ARHGAP26: variants seen among roughly 807,000 people sequenced by gnomAD.
ARHGAP26 encodes rho GTPase-activating protein 26.
Under a neutral mutation model 104.8 loss-of-function variants are expected in ARHGAP26, and 38 were observed. That is an observed-to-expected ratio of 0.36 (90% CI 0.28 to 0.48). The LOEUF is 0.48. Ranked by LOEUF, ARHGAP26 falls within the 20% of genes least tolerant of loss-of-function variation. The pLI, the probability that ARHGAP26 is intolerant of heterozygous loss-of-function variation, is 0.99. For missense variants in ARHGAP26, 704 were observed against 947.9 expected (o/e 0.74, Z 3.38); for synonymous variants, 341 against 340.0 (o/e 1.00, Z -0.03).
At chr5:142,834,618 C>T (rs966133158) in intron 1 of ARHGAP26, among the ~76,000 whole-genome samples, 2 of 152,196 alleles carry the variant, frequency 1.3e-5, no homozygotes, top group African/African-American at 2.4e-5. Context: ...CACAGGGCCC[C>T]TCCCCATGTA....
At chr5:143,159,217 G>A (rs1562526569) in intron 20 of ARHGAP26, among the ~76,000 whole-genome samples, 1 of 152,186 alleles carries the variant, frequency 6.6e-6, no homozygotes, top group South Asian at 2.1e-4. Context: ...CCCCCTGCTA[G>A]TCTAAAGAGC....
chr5:143,034,385 A>G (rs970867026), intron 12 of ARHGAP26, among the ~76,000 whole-genome samples: 6 of 152,214 alleles, frequency 3.9e-5, no homozygotes, highest in East Asian at 1.9e-4. Context: ...ATAAAATGTG[A>G]TATATCTGGA....
intron 17 of ARHGAP26, among the ~76,000 whole-genome samples, chr5:143,103,553 A>G (rs959884822): frequency 1.7e-5 from 2 of 118,816 alleles, no homozygotes. Flanking sequence ...CCAAATGCCC[A>G]TGAATGTTAG....
intron 17 of ARHGAP26, among the ~76,000 whole-genome samples, chr5:143,062,652 T>A (rs1786896351): frequency 6.6e-6 from 1 of 152,114 alleles, no homozygotes; most frequent in Admixed American, 6.5e-5. Flanking sequence ...ATACAAATGC[T>A]TGTGGTTATA....
chr5:143,013,955 A>G, intron 11 of ARHGAP26, 125 bp from the exon 12 acceptor site: 2 of 860,670 alleles, frequency 2.3e-6, no homozygotes, highest in South Asian at 3.0e-5. Flanking sequence ...CATGTTTGGG[A>G]GCCAGAAATT....
intron 10 of ARHGAP26, among the ~76,000 whole-genome samples, chr5:142,923,341 T>C (rs1169824455): frequency 6.6e-6 from 1 of 152,220 alleles, no homozygotes; most frequent in Non-Finnish European, 1.5e-5. Context: ...TATGTAATTC[T>C]GGATAGAAGA....
At chr5:142,899,153 T>A (rs1332150977) in intron 6 of ARHGAP26, among the ~76,000 whole-genome samples, 7 of 152,238 alleles carry the variant, frequency 4.6e-5, no homozygotes, top group Non-Finnish European at 1.0e-4. Context: ...GGCATCTTTG[T>A]AAAAGTACTA....
At chr5:142,990,951 C>G (rs1313851790) in intron 11 of ARHGAP26, among the ~76,000 whole-genome samples, 2 of 152,216 alleles carry the variant, frequency 1.3e-5, no homozygotes, top group African/African-American at 4.8e-5. Context: ...TCTCAGATCT[C>G]AAACTCCGTG....
chr5:142,830,478 C>T (rs1165668918), intron 1 of ARHGAP26, among the ~76,000 whole-genome samples: 3 of 152,212 alleles, frequency 2.0e-5, no homozygotes, highest in South Asian at 2.1e-4. Flanking sequence ...TCTGACAGTA[C>T]GTTATGGCAG....
chr5:142,811,342 A>G (rs984552), intron 1 of ARHGAP26, among the ~76,000 whole-genome samples: 3 of 152,200 alleles, frequency 2.0e-5, no homozygotes, highest in East Asian at 1.9e-4. Flanking sequence ...GCTGTGGTCA[A>G]CCAAGCTGTC....
chr5:142,780,151 A>G (rs546546408), intron 1 of ARHGAP26, among the ~76,000 whole-genome samples: 6 of 152,324 alleles, frequency 3.9e-5, no homozygotes, highest in Admixed American at 2.6e-4. Context: ...CTTTTAATAT[A>G]TTAGATATTA....
intron 17 of ARHGAP26, among the ~76,000 whole-genome samples, chr5:143,062,916 A>G (rs1380669253): frequency 6.6e-6 from 1 of 152,254 alleles, no homozygotes; most frequent in Middle Eastern, 3.2e-3. Flanking sequence ...TCCAAATAAA[A>G]TAGCCGTAGA....
intron 20 of ARHGAP26, among the ~76,000 whole-genome samples, chr5:143,156,458 C>T (rs1258130051): frequency 1.3e-5 from 2 of 152,192 alleles, no homozygotes; most frequent in Non-Finnish European, 2.9e-5. Flanking sequence ...GGACCAGCAT[C>T]ATTGGTGTTA....
chr5:142,967,857 T>C (rs765672782), intron 11 of ARHGAP26, among the ~76,000 whole-genome samples: 5 of 151,544 alleles, frequency 3.3e-5, no homozygotes, highest in Non-Finnish European at 5.9e-5. Flanking sequence ...AGCTGGGAGG[T>C]GGGTAAACTG....
At chr5:142,844,381 T>C (rs1278617453) in intron 1 of ARHGAP26, among the ~76,000 whole-genome samples, 4 of 152,080 alleles carry the variant, frequency 2.6e-5, no homozygotes, top group Non-Finnish European at 5.9e-5. Flanking sequence ...GACATTCTTG[T>C]TTTCCATGAA....
intron 19 of ARHGAP26, among the ~76,000 whole-genome samples, chr5:143,137,349 T>C (rs1798018958): frequency 6.6e-6 from 1 of 152,226 alleles, no homozygotes; most frequent in African/African-American, 2.4e-5. Context: ...TCAACTAGAA[T>C]TGGGTTCAGA....
intron 20 of ARHGAP26, chr5:143,168,816 T>G (rs984599540): frequency 1.3e-5 from 2 of 152,198 alleles, no homozygotes; most frequent in African/African-American, 4.8e-5. Flanking sequence ...AGGATATAGA[T>G]AGTGATCACG....
chr5:142,962,245 T>C (rs1770378617), intron 11 of ARHGAP26, among the ~76,000 whole-genome samples: 1 of 152,228 alleles, frequency 6.6e-6, no homozygotes, highest in South Asian at 2.1e-4. Flanking sequence ...CTTGACAAAT[T>C]TGAAATTGTG....
intron 6 of ARHGAP26, among the ~76,000 whole-genome samples, chr5:142,897,764 C>T (rs1240665548): frequency 1.3e-5 from 2 of 152,158 alleles, no homozygotes; most frequent in Non-Finnish European, 2.9e-5. Context: ...CTGTTTTTAT[C>T]CCAATTTTCA....
Sources: allele counts gnomAD v4.1 joint callset (sites outside exome capture counted in the v4.1 genomes callset), GRCh38; gene constraint gnomAD v4.1.1; transcripts MANE v1.5; gene names NCBI Gene and HGNC (gene_info 2026-07-23, HGNC 2026-07-21).